CACNA2D1: variants seen among roughly 807,000 people sequenced by gnomAD.
CACNA2D1 encodes the protein calcium voltage-gated channel auxiliary subunit alpha2delta 1.
A neutral mutation model predicts 171.5 loss-of-function variants in CACNA2D1; 53 were observed. The ratio of observed to expected loss-of-function variants is 0.31; its 90% CI spans 0.25 to 0.39. CACNA2D1 has a LOEUF of 0.39. CACNA2D1 is among the 10% of genes least tolerant of loss of function. The pLI is 1.00. For synonymous variants in CACNA2D1, 442 were observed against 443.1 expected (o/e 1.00, Z 0.03); for missense variants, 903 against 1,299.8 (o/e 0.69, Z 4.69).
intron 18 of CACNA2D1, among the ~76,000 whole-genome samples, chr7:82,003,019 C>T (rs1261587132): frequency 6.6e-6 from 1 of 152,036 alleles, no homozygotes; most frequent in Non-Finnish European, 1.5e-5. Context: ...TGTTAGTATA[C>T]TGTTACCATA....
intron 10 of CACNA2D1, 33 bp downstream of exon 10, chr7:82,060,389 CAAATTT>C (rs1418110473): frequency 1.3e-5 from 18 of 1,386,492 alleles, no homozygotes; most frequent in Non-Finnish European, 1.4e-5. Context: ...ATAGAAATTG[CAAATTT>C]AATTCAGGAA....
chr7:82,052,221 C>T (rs978732383), intron 10 of CACNA2D1, among the ~76,000 whole-genome samples: 1 of 151,998 alleles, frequency 6.6e-6, no homozygotes, highest in Non-Finnish European at 1.5e-5. Flanking sequence ...AAATTACGGT[C>T]AAAGTTAACT....
intron 1 of CACNA2D1, among the ~76,000 whole-genome samples, chr7:82,359,732 A>G (rs1173583436): frequency 6.6e-6 from 1 of 152,180 alleles, no homozygotes; most frequent in African/African-American, 2.4e-5. Context: ...ACATACAGAC[A>G]TACTGTTTTA....
intron 12 of CACNA2D1, chr7:82,029,190 C>T (rs954039199): frequency 2.0e-5 from 3 of 151,716 alleles, no homozygotes; most frequent in Non-Finnish European, 4.4e-5. Flanking sequence ...CCTCCACCAG[C>T]AAAAATACAA....
intron 1 of CACNA2D1, among the ~76,000 whole-genome samples, chr7:82,426,693 G>C (rs989442408): frequency 6.6e-6 from 1 of 151,948 alleles, no homozygotes; most frequent in African/African-American, 2.4e-5. Context: ...GAACACCTAG[G>C]GCCTCTTTCA....
chr7:82,047,014 A>C (rs1341812508), intron 10 of CACNA2D1, among the ~76,000 whole-genome samples: 1 of 152,112 alleles, frequency 6.6e-6, no homozygotes, highest in African/African-American at 2.4e-5. Flanking sequence ...AAGCCATTGA[A>C]AGTATGCTGT....
At chr7:81,962,612 GTTTTTA>G in intron 34 of CACNA2D1, 117 bp from the exon 35 acceptor site, 2 of 698,582 alleles carry the variant, frequency 2.9e-6, no homozygotes, top group South Asian at 3.4e-5. Context: ...GTCTTGGAGT[GTTTTTA>G]TTTAAGTATT....
intron 3 of CACNA2D1, among the ~76,000 whole-genome samples, chr7:82,241,271 T>C (rs546204104): frequency 1.3e-5 from 2 of 152,340 alleles, no homozygotes; most frequent in South Asian, 2.1e-4. Context: ...TTATCACTTA[T>C]TAAAAATAAA....
chr7:82,367,914 C>T (rs1436498448), intron 1 of CACNA2D1, among the ~76,000 whole-genome samples: 1 of 151,556 alleles, frequency 6.6e-6, no homozygotes, highest in East Asian at 1.9e-4. Context: ...TTTCTATTTG[C>T]AATATCTGAA....
At chr7:82,285,542 A>T (rs1304260742) in intron 3 of CACNA2D1, among the ~76,000 whole-genome samples, 1 of 152,156 alleles carries the variant, frequency 6.6e-6, no homozygotes, top group African/African-American at 2.4e-5. Flanking sequence ...GGGGGTGATA[A>T]GGAGGTGTCA....
intron 1 of CACNA2D1, among the ~76,000 whole-genome samples, chr7:82,381,182 C>T (rs993197060): frequency 1.3e-5 from 2 of 151,812 alleles, no homozygotes; most frequent in Non-Finnish European, 2.9e-5. Flanking sequence ...GCCGTGGTGG[C>T]GGGCCCCTGT....
chr7:82,370,777 G>A (rs1822314117), intron 1 of CACNA2D1, among the ~76,000 whole-genome samples: 1 of 151,984 alleles, frequency 6.6e-6, no homozygotes. Flanking sequence ...AAAACAAATG[G>A]AAGAAACCCA....
chr7:82,291,676 T>A (rs1030258030), intron 3 of CACNA2D1, among the ~76,000 whole-genome samples: 3 of 148,174 alleles, frequency 2.0e-5, no homozygotes, highest in African/African-American at 2.5e-5. Flanking sequence ...TTTTTCTTTT[T>A]TTTCTTTTTG....
intron 3 of CACNA2D1, among the ~76,000 whole-genome samples, chr7:82,241,961 C>T (rs186062563): frequency 3.2e-4 from 48 of 152,164 alleles, no homozygotes; most frequent in African/African-American, 9.9e-4. Context: ...GATGATGACA[C>T]CTCTTGAAGT....
chr7:82,315,809 A>G (rs1326160104), intron 3 of CACNA2D1, among the ~76,000 whole-genome samples: 1 of 152,202 alleles, frequency 6.6e-6, no homozygotes, highest in Non-Finnish European at 1.5e-5. Flanking sequence ...TTCTACACAC[A>G]GTGTAAATCA....
At chr7:82,123,237 C>A (rs1789951559) in intron 5 of CACNA2D1, among the ~76,000 whole-genome samples, 1 of 152,154 alleles carries the variant, frequency 6.6e-6, no homozygotes. Context: ...TTTCTCCCCC[C>A]AGTGATTCCT....
intron 36 of CACNA2D1, among the ~76,000 whole-genome samples, chr7:81,961,295 A>G (rs1423064179): frequency 6.6e-6 from 1 of 151,902 alleles, no homozygotes; most frequent in African/African-American, 2.4e-5. Context: ...TAAATTCTCC[A>G]TCTCTTTTTA....
chr7:82,338,799 A>G (rs1282800326), intron 2 of CACNA2D1, among the ~76,000 whole-genome samples: 1 of 152,176 alleles, frequency 6.6e-6, no homozygotes, highest in Admixed American at 6.5e-5. Context: ...CAGGACATGG[A>G]AATTTAAGAA....
chr7:82,432,783 A>C (rs4313099), intron 1 of CACNA2D1, among the ~76,000 whole-genome samples: 99,710 of 152,122 alleles, frequency 0.66, 33,745 homozygotes, highest in African/African-American at 0.83. Flanking sequence ...AAATTAATGA[A>C]TAAGTAATGC....
Sources: allele counts gnomAD v4.1 joint callset (sites outside exome capture counted in the v4.1 genomes callset), GRCh38; gene constraint gnomAD v4.1.1; transcripts MANE v1.5; gene names NCBI Gene and HGNC (gene_info 2026-07-23, HGNC 2026-07-21).